CDH12: variants seen among roughly 807,000 people sequenced by gnomAD.
CDH12 encodes cadherin-12.
Under a neutral mutation model 74.1 loss-of-function variants are expected in CDH12, and 41 were observed. That is an observed-to-expected ratio of 0.55 (90% CI 0.43 to 0.72). CDH12 has a LOEUF of 0.72. Among genes scored for constraint, CDH12 ranks in the 30% least tolerant of loss-of-function variants. CDH12 has a pLI of 0.00. For synonymous variants in CDH12, 399 were observed against 355.0 expected (o/e 1.12, Z -1.39); for missense variants, 945 against 977.2 (o/e 0.97, Z 0.44).
intron 3 of CDH12, among the ~76,000 whole-genome samples, chr5:22,340,321 T>C (rs1739787920): frequency 6.6e-6 from 1 of 152,058 alleles, no homozygotes; most frequent in Non-Finnish European, 1.5e-5. Flanking sequence ...GGTCAGGAGA[T>C]TGAGACCATC....
At chr5:22,686,157 A>G (rs1037492662) in intron 1 of CDH12, among the ~76,000 whole-genome samples, 3 of 152,092 alleles carry the variant, frequency 2.0e-5, no homozygotes, top group African/African-American at 7.2e-5. Context: ...ATGATATGGA[A>G]TGTCTTTTTA....
intron 5 of CDH12, among the ~76,000 whole-genome samples, chr5:22,072,513 T>TTTCTATTATA (rs548664200): frequency 3.4e-4 from 52 of 151,252 alleles, no homozygotes; most frequent in African/African-American, 1.3e-3. Flanking sequence ...CCCAACAGTG[T>TTTCTATTATA]TTCTATTATA....
rs574442169 is a variant in CDH12, at chr5:22,553,368, C to T, written c.-522-48004G>A. On this transcript the variant is annotated intron_variant, in intron 1 of 14. Coordinates refer to ENST00000382254, the MANE Select transcript of CDH12 (RefSeq NM_004061.5). ...TTGGTGTCAAACACTTTGGTGGCAA[C>T]CACTATTTTATTTCAGTATGTAATC... Among the ~76,000 whole-genome samples the T allele has an allele frequency of 6.1e-4, 93 of 152,048 alleles. No homozygotes were observed. The South Asian group carries it at 0.018, about 30-fold the overall frequency.
At chr5:22,238,490 G>T (rs948213603) in intron 3 of CDH12, among the ~76,000 whole-genome samples, 2 of 152,112 alleles carry the variant, frequency 1.3e-5, no homozygotes, top group African/African-American at 4.8e-5. Context: ...AGCTCTGAAA[G>T]GAAGCCTGTA....
intron 5 of CDH12, among the ~76,000 whole-genome samples, chr5:21,996,445 A>G (rs1412393450): frequency 2.6e-5 from 4 of 152,218 alleles, no homozygotes; most frequent in African/African-American, 9.6e-5. Flanking sequence ...ACTTCCTTAG[A>G]GAACATTGTT....
At chr5:22,057,633 G>A (rs571420310) in intron 5 of CDH12, among the ~76,000 whole-genome samples, 1 of 152,106 alleles carries the variant, frequency 6.6e-6, no homozygotes, top group Non-Finnish European at 1.5e-5. Context: ...AAAATACCTG[G>A]AGAGTAAAAT....
chr5:22,487,965 T>C (rs910640923), intron 2 of CDH12, among the ~76,000 whole-genome samples: 1 of 152,240 alleles, frequency 6.6e-6, no homozygotes, highest in Admixed American at 6.5e-5. Flanking sequence ...AATATAAATG[T>C]CAATTGGTTT....
intron 5 of CDH12, among the ~76,000 whole-genome samples, chr5:22,011,891 T>A (rs992405869): frequency 6.6e-6 from 1 of 152,048 alleles, no homozygotes; most frequent in African/African-American, 2.4e-5. Flanking sequence ...ATTTACCAAA[T>A]GAAGAAAACT....
At chr5:21,774,831 G>C (rs1359663394) in intron 11 of CDH12, among the ~76,000 whole-genome samples, 2 of 152,172 alleles carry the variant, frequency 1.3e-5, no homozygotes, top group East Asian at 3.8e-4. Flanking sequence ...GTTATGTTTA[G>C]TCCTGAAAAG....
intron 1 of CDH12, among the ~76,000 whole-genome samples, chr5:22,807,993 C>A (rs771337833): frequency 6.6e-6 from 1 of 152,170 alleles, no homozygotes; most frequent in African/African-American, 2.4e-5. Context: ...TATGACATCA[C>A]TGGATTATAG....
At position 22,805,696 on chromosome 5, in the gene CDH12, A is replaced by C. The variant is rs189122230; in HGVS notation, c.-523+47362T>G. On this transcript the variant is annotated intron_variant, in intron 1 of 14. Coordinates refer to ENST00000382254, the MANE Select transcript of CDH12 (RefSeq NM_004061.5). ...CATTATTCTTTAAGTTCTGGGGTAC[A>C]TGTGCAGAACGTGCAGGTTTGTTAC... is the stretch of plus-strand genomic sequence containing the variant. 3.9e-3 allele frequency among the ~76,000 whole-genome samples: 591 copies of C among 152,208 alleles called. 6 individuals are homozygous for C. In the Middle Eastern group the frequency reaches 0.051, roughly 13 times the overall value.
At chr5:22,068,989 G>A (rs933289112) in intron 5 of CDH12, among the ~76,000 whole-genome samples, 3 of 152,154 alleles carry the variant, frequency 2.0e-5, no homozygotes, top group African/African-American at 7.2e-5. Flanking sequence ...CAGCAACCTG[G>A]TGACAGGTTG....
intron 4 of CDH12, among the ~76,000 whole-genome samples, chr5:22,204,308 C>G (rs1751096976): frequency 6.6e-6 from 1 of 152,024 alleles, no homozygotes; most frequent in African/African-American, 2.4e-5. Context: ...CTACAGGCAC[C>G]CGTCACCACG....
At chr5:22,379,131 A>C (rs1741655412) in intron 3 of CDH12, among the ~76,000 whole-genome samples, 1 of 152,190 alleles carries the variant, frequency 6.6e-6, no homozygotes, top group Non-Finnish European at 1.5e-5. Context: ...TTGTAGTAAG[A>C]AACTTAATAC....
intron 5 of CDH12, among the ~76,000 whole-genome samples, chr5:21,991,355 A>G (rs1158510705): frequency 1.3e-5 from 2 of 151,728 alleles, no homozygotes; most frequent in Admixed American, 6.6e-5. Flanking sequence ...TAATAACTAC[A>G]CAGATTTGTG....
intron 1 of CDH12, among the ~76,000 whole-genome samples, chr5:22,614,637 T>C (rs143557141): frequency 1.3e-3 from 203 of 152,202 alleles, no homozygotes; most frequent in Non-Finnish European, 2.0e-3. Flanking sequence ...GACATAGATA[T>C]AGCAAAGGAC....
chr5:22,789,504 A>C (rs572472186), intron 1 of CDH12, among the ~76,000 whole-genome samples: 1 of 152,200 alleles, frequency 6.6e-6, no homozygotes, highest in South Asian at 2.1e-4. Flanking sequence ...GAATATTTCC[A>C]TTTGGTTAAA....
intron 3 of CDH12, among the ~76,000 whole-genome samples, chr5:22,331,844 T>G (rs1580532017): frequency 6.6e-6 from 1 of 152,182 alleles, no homozygotes; most frequent in East Asian, 1.9e-4. Context: ...AAACAGAAAT[T>G]CTGAAGTTCA....
chr5:22,011,917 A>T (rs1294318082), intron 5 of CDH12, among the ~76,000 whole-genome samples: 2 of 144,838 alleles, frequency 1.4e-5, no homozygotes, highest in Admixed American at 6.9e-5. Context: ...TTGGAAAACA[A>T]AGCTGTTTCT....
Sources: gnomAD v4.1 joint callset for allele counts (sites outside exome capture counted in the v4.1 genomes callset) on GRCh38, gnomAD v4.1.1 for gene constraint, MANE v1.5 for transcripts, NCBI Gene and HGNC (gene_info 2026-07-23, HGNC 2026-07-21) for gene names.